PRRC2B: variants seen among roughly 807,000 people sequenced by gnomAD.
The protein encoded by PRRC2B is proline rich coiled-coil 2B, also known as protein PRRC2B.
PRRC2B carries 68 observed loss-of-function variants against 242.3 expected under a neutral mutation model. The ratio of observed to expected loss-of-function variants is 0.28; its 90% CI spans 0.23 to 0.34. PRRC2B has a LOEUF of 0.34. PRRC2B is among the 10% of genes least tolerant of loss of function. PRRC2B has a pLI of 1.00. For synonymous variants in PRRC2B, 1,228 were observed against 1,173.6 expected (o/e 1.05, Z -0.95); for missense variants, 2,835 against 2,954.8 (o/e 0.96, Z 0.94).
chr9:131,400,921 C>G (rs1368303938), intron 1 of PRRC2B, among the ~76,000 whole-genome samples: 1 of 151,934 alleles, frequency 6.6e-6, no homozygotes, highest in East Asian at 1.9e-4. Context: ...TGGAGAGCCC[C>G]CCACCTAACT....
intron 5 of PRRC2B, among the ~76,000 whole-genome samples, chr9:131,443,583 G>A (rs1047677729): frequency 3.6e-4 from 54 of 151,950 alleles, no homozygotes; most frequent in Non-Finnish European, 6.5e-4. Flanking sequence ...ACAGGCGCCC[G>A]CCACCAGACT....
Position 131,411,379 on chromosome 9 carries a change from C to A in PRRC2B, c.-52+17116C>A, listed in dbSNP as rs543772716. ...TTTTTTTTTTTGAGACGGAGTCTTG[C>A]TCTGTTGCCCAGGCTGGAGTGCAGT... On this transcript the variant is annotated intron_variant, in intron 1 of 31. Coordinates refer to ENST00000683519, the MANE Select transcript of PRRC2B (RefSeq NM_013318.4). Among the ~76,000 whole-genome samples, 23 of 142,314 alleles carry A rather than the reference C, an allele frequency of 1.6e-4. 1 individual carries two copies. In the South Asian group the frequency reaches 5.1e-3, roughly 31 times the overall value. The allele number at this position is 142,314 out of a possible 152,430, so 93.4% of individuals were successfully genotyped here.
At chr9:131,418,743 C>A (rs1328455223) in intron 1 of PRRC2B, among the ~76,000 whole-genome samples, 2 of 152,148 alleles carry the variant, frequency 1.3e-5, no homozygotes. Context: ...AGCCTTTCTG[C>A]CATCCTGAGT....
intron 1 of PRRC2B, among the ~76,000 whole-genome samples, chr9:131,404,222 T>G (rs1362768397): frequency 2.6e-5 from 4 of 151,430 alleles, no homozygotes; most frequent in Non-Finnish European, 5.9e-5. Flanking sequence ...TTGACTTTTT[T>G]TTTTTTTTTT....
intron 7 of PRRC2B, 25 bp from the exon 8 acceptor site, chr9:131,447,059 TC>T (rs760937656): frequency 1.2e-6 from 2 of 1,613,838 alleles, no homozygotes; most frequent in East Asian, 2.2e-5. Flanking sequence ...TACCAGCAAA[TC>T]CTGTTCATTG....
intron 1 of PRRC2B, among the ~76,000 whole-genome samples, chr9:131,429,679 C>T (rs114566801): frequency 6.6e-6 from 1 of 152,138 alleles, no homozygotes; most frequent in Non-Finnish European, 1.5e-5. Flanking sequence ...CCCTATTCTG[C>T]TAGCCTTATT....
intron 1 of PRRC2B, among the ~76,000 whole-genome samples, chr9:131,408,805 C>T (rs1273529677): frequency 1.3e-5 from 2 of 151,648 alleles, no homozygotes; most frequent in Admixed American, 6.6e-5. Context: ...CTGCAGCCTC[C>T]GCCTCCTGGG....
intron 1 of PRRC2B, among the ~76,000 whole-genome samples, chr9:131,410,120 AC>A: frequency 6.6e-6 from 1 of 151,616 alleles, no homozygotes; most frequent in African/African-American, 2.4e-5. Context: ...CTTCTTCCCC[AC>A]CCCCCTTGCT....
rs1256895062 is a variant in PRRC2B at position 131,474,658 on chromosome 9, T to TG, written c.2534dup (p.His846SerfsTer13). ...AAAATGTTCAGGATGCAGGTGCTCC[T>TG]GGGGGTCACACCCAAAACCTCAGGT... On this transcript the variant is annotated frameshift_variant, in exon 16 of 32. Coordinates refer to ENST00000683519, the MANE Select transcript of PRRC2B (RefSeq NM_013318.4). LOFTEE classifies it high-confidence loss of function. 3.7e-6 allele frequency: 6 copies of TG among 1,613,722 alleles called. No homozygotes were observed. The highest frequency in any genetic ancestry group is 1.6e-4 in the Middle Eastern group (1 of 6,062).
chr9:131,436,912 T>C (rs895194269), intron 4 of PRRC2B, among the ~76,000 whole-genome samples, 190 bp downstream of exon 4: 1 of 152,142 alleles, frequency 6.6e-6, no homozygotes, highest in African/African-American at 2.4e-5. Context: ...GGTTAAGAAA[T>C]TTAATCTGCA....
intron 3 of PRRC2B, among the ~76,000 whole-genome samples, chr9:131,434,395 G>A (rs2994052): frequency 0.73 from 111,618 of 152,264 alleles, 41,848 homozygotes; most frequent in East Asian, 0.93. Flanking sequence ...GCTGGAGCAC[G>A]TCCGCCAGGG....
intron 28 of PRRC2B, among the ~76,000 whole-genome samples, chr9:131,489,374 G>A (rs1159955059): frequency 6.6e-6 from 1 of 151,750 alleles, no homozygotes; most frequent in Non-Finnish European, 1.5e-5. Flanking sequence ...TAGTAGAGAT[G>A]GGGGTTTCAC....
intron 12 of PRRC2B, among the ~76,000 whole-genome samples, 154 bp from the exon 13 acceptor site, chr9:131,467,409 G>A (rs1055200383): frequency 2.0e-5 from 3 of 152,172 alleles, no homozygotes; most frequent in South Asian, 2.1e-4. Context: ...GCTTGTGTAC[G>A]TGATGCGTTT....
chr9:131,410,044 A>G (rs1162842757), intron 1 of PRRC2B, among the ~76,000 whole-genome samples: 1 of 152,206 alleles, frequency 6.6e-6, no homozygotes, highest in Non-Finnish European at 1.5e-5. Context: ...TTTTGACGCC[A>G]GAGAGGGAGG....
intron 1 of PRRC2B, among the ~76,000 whole-genome samples, chr9:131,424,220 G>A (rs1547769): frequency 0.73 from 110,722 of 152,070 alleles, 41,749 homozygotes; most frequent in East Asian, 0.93. Context: ...GGGATTACAA[G>A]CGTGAGCCCC....
Position 131,475,448 on chromosome 9 carries a change from G to A in PRRC2B, c.3319G>A (p.Gly1107Ser), listed in dbSNP as rs775188947. The change falls in exon 16 of 32, where the codon GGC becomes AGC. Residue 1107 changes from glycine (G) to serine (S), a missense_variant. Physicochemically the swap from Gly to Ser is moderately conservative, Grantham distance 56. Transcript: ENST00000683519. The stretch of plus-strand genomic sequence containing the variant: ...CATCTACTGCAGCAGTCAGCGCAGC[G>A]GCCGTGGCCGGGGCCTGCGAGAGTT... ...RSIYCSSQRS[G>S]RGRGLREFAR... 1.4e-5 allele frequency: 22 copies of A among 1,582,218 alleles called. No individual in the cohort carries two copies. Among genetic ancestry groups the A allele is most frequent in the South Asian group, 8.0e-5 (7 of 87,702 alleles).
At chr9:131,392,449 G>T (rs1836917563), upstream of PRRC2B, among the ~76,000 whole-genome samples, 1 of 151,990 alleles carries the variant, frequency 6.6e-6, no homozygotes, top group Non-Finnish European at 1.5e-5. Context: ...TTTTTTATTT[G>T]TTTATTTGCC....
At chr9:131,436,366 C>G (rs1162493750) in intron 3 of PRRC2B, among the ~76,000 whole-genome samples, 1 of 151,104 alleles carries the variant, frequency 6.6e-6, no homozygotes, top group Non-Finnish European at 1.5e-5. Context: ...CCCCCTGTCT[C>G]AAAAAAAAGA....
At chr9:131,493,201 C>T (rs1944244293) in intron 30 of PRRC2B, among the ~76,000 whole-genome samples, 1 of 152,224 alleles carries the variant, frequency 6.6e-6, no homozygotes, top group Non-Finnish European at 1.5e-5. Context: ...CACTCTTGTA[C>T]CTTCATTTCC....
Sources: allele counts gnomAD v4.1 joint callset (sites outside exome capture counted in the v4.1 genomes callset), GRCh38; gene constraint gnomAD v4.1.1; transcripts MANE v1.5; gene names NCBI Gene and HGNC (gene_info 2026-07-23, HGNC 2026-07-21).